NNT: variants seen among roughly 807,000 people sequenced by gnomAD.
The protein encoded by NNT is NAD(P) transhydrogenase, mitochondrial.
NNT carries 50 observed loss-of-function variants against 104.8 expected under a neutral mutation model. The observed-to-expected ratio is 0.48, with a 90% CI of 0.38 to 0.60. NNT has a LOEUF of 0.60. NNT is among the 20% of genes least tolerant of loss of function. The pLI is 0.00. For synonymous variants in NNT, 461 were observed against 490.4 expected, an observed-to-expected ratio of 0.94 and a Z score of 0.79; for missense variants, 1,131 against 1,330.7, an observed-to-expected ratio of 0.85 and a Z score of 2.33.
chr5:43,651,067 CTTTTA>C (rs1739731655), intron 12 of NNT, among the ~76,000 whole-genome samples: 1 of 151,948 alleles, frequency 6.6e-6, no homozygotes, highest in Non-Finnish European at 1.5e-5. Flanking sequence ...GTATTTTTTT[CTTTTA>C]TAATTTATTA....
At chr5:43,672,575 C>T (rs1469449933) in intron 17 of NNT, among the ~76,000 whole-genome samples, 2 of 152,198 alleles carry the variant, frequency 1.3e-5, no homozygotes, top group Non-Finnish European at 2.9e-5. Flanking sequence ...GCCTGGGTAT[C>T]AGCAGTGGAG....
At position 43,644,200 on chromosome 5, in the gene NNT, G is replaced by C. The variant is rs768602103; in HGVS notation, c.973G>C (p.Ala325Pro). 5.0e-6 allele frequency: 8 copies of C among 1,600,848 alleles called. No individual in the cohort carries two copies. The highest frequency in any genetic ancestry group is 1.8e-5 in the Admixed American group (1 of 55,528). ...ISTALIPGKK[A>P]PVLFNKEMIE... ...TTCTTTGATTTTATTAGGTAAAAAA[G>C]CTCCAGTTTTATTTAATAAAGAAAT... Residue 325 changes from alanine to proline, a missense_variant, in exon 8 of 22, where the codon GCT becomes CCT. By Grantham distance (27) the Ala-to-Pro change is conservative. Coordinates refer to ENST00000344920, the MANE Select transcript of NNT (RefSeq NM_182977.3).
chr5:43,669,017 T>A (rs1740881850), intron 17 of NNT, among the ~76,000 whole-genome samples: 2 of 152,214 alleles, frequency 1.3e-5, no homozygotes, highest in African/African-American at 4.8e-5. Flanking sequence ...GGTGGATTCC[T>A]AGGTATTTTA....
chr5:43,608,375 C>T (rs1291781207), intron 1 of NNT, among the ~76,000 whole-genome samples: 1 of 152,190 alleles, frequency 6.6e-6, no homozygotes. Flanking sequence ...CAGCAAAACC[C>T]AGTGACACTT....
At chr5:43,670,709 G>A (rs1170625996) in intron 17 of NNT, among the ~76,000 whole-genome samples, 1 of 152,190 alleles carries the variant, frequency 6.6e-6, no homozygotes, top group Non-Finnish European at 1.5e-5. Context: ...CACGTATGTG[G>A]TCAATTTTGG....
chr5:43,625,332 G>A (rs1480768681), intron 6 of NNT, among the ~76,000 whole-genome samples: 1 of 152,018 alleles, frequency 6.6e-6, no homozygotes, highest in Non-Finnish European at 1.5e-5. Flanking sequence ...GCTAGAATAT[G>A]GCTGTTGCTT....
intron 16 of NNT, among the ~76,000 whole-genome samples, chr5:43,658,703 T>C (rs770898745): frequency 6.6e-6 from 1 of 152,232 alleles, no homozygotes; most frequent in Non-Finnish European, 1.5e-5. Context: ...TCTAGCCTGC[T>C]TCTTTGTGGG....
chr5:43,677,748 G>C lies in NNT; in HGVS notation c.2818G>C (p.Ala940Pro), dbSNP rs1741494680. ...TPGYGLCAAK[A>P]QYPIADLVKM... ...AGGCTATGGTCTCTGTGCAGCCAAA[G>C]CTCAATACCCCATTGCTGATTTGGT... Residue 940 changes from alanine to proline, a missense_variant, in exon 19 of 22, where the codon GCT (alanine) becomes CCT (proline). Coordinates refer to ENST00000344920, the MANE Select transcript of NNT (RefSeq NM_182977.3). 6.2e-7 allele frequency: 1 copy of C among 1,613,570 alleles called. No individual in the cohort carries two copies. The highest frequency in any genetic ancestry group is 1.3e-5 in the African/African-American group (1 of 74,892).
chr5:43,693,541 C>T (rs72760482), intron 19 of NNT, among the ~76,000 whole-genome samples: 105 of 152,226 alleles, frequency 6.9e-4, no homozygotes, highest in Non-Finnish European at 1.2e-3. Context: ...TGTAGTAGTA[C>T]TGAATATAGC....
At chr5:43,611,486 A>G (rs1749497894) in intron 2 of NNT, among the ~76,000 whole-genome samples, 1 of 152,134 alleles carries the variant, frequency 6.6e-6, no homozygotes, top group Non-Finnish European at 1.5e-5. Context: ...TGAACTTGAG[A>G]TGAGTGTATG....
At chr5:43,643,595 C>T (rs537100455) in intron 7 of NNT, among the ~76,000 whole-genome samples, 1 of 152,186 alleles carries the variant, frequency 6.6e-6, no homozygotes, top group Non-Finnish European at 1.5e-5. Flanking sequence ...TATGAGGGAA[C>T]TCCTAAACCT....
chr5:43,671,632 A>T (rs1002808563), intron 17 of NNT, among the ~76,000 whole-genome samples: 2 of 152,194 alleles, frequency 1.3e-5, no homozygotes, highest in Non-Finnish European at 2.9e-5. Context: ...TCTGGCTTGT[A>T]GAGTTTCTGC....
chr5:43,645,466 C>T lies in NNT; in HGVS notation c.1400C>T (p.Thr467Ile), dbSNP rs1348763582. The change falls in exon 10 of 22, where the codon ACA becomes ATA. Residue 467 changes from threonine (T) to isoleucine (I), a missense_variant. Transcript: ENST00000344920. ...ELEAEKAATI[T>I]PFRKTMSTAS... is the part of the protein sequence containing the mutation. ...GAAGCTGAAAAAGCAGCTACCATTA[C>T]ACCCTTCAGGAAGACAATGTCAACG... is the stretch of plus-strand genomic sequence containing the variant. 6.4e-7 allele frequency: 1 copy of T among 1,573,924 alleles called. No homozygotes were observed. The highest frequency in any genetic ancestry group is 1.4e-5 in the African/African-American group (1 of 73,278).
At chr5:43,676,352 T>A (rs1034568455) in intron 18 of NNT, among the ~76,000 whole-genome samples, 1 of 152,200 alleles carries the variant, frequency 6.6e-6, no homozygotes, top group Non-Finnish European at 1.5e-5. Context: ...ATCAAATGAG[T>A]TTTCTGTAAA....
chr5:43,661,656 C>T (rs530914119), intron 17 of NNT, among the ~76,000 whole-genome samples: 6,854 of 139,962 alleles, frequency 0.049, 239 homozygotes, highest in African/African-American at 0.1. Context: ...TGAGAACATT[C>T]GGTGTTTGGT....
intron 7 of NNT, among the ~76,000 whole-genome samples, chr5:43,634,698 A>G (rs1199006343): frequency 5.3e-5 from 8 of 152,202 alleles, no homozygotes; most frequent in Non-Finnish European, 1.2e-4. Flanking sequence ...TTGCAACATC[A>G]AGGGTTGGTA....
intron 10 of NNT, among the ~76,000 whole-genome samples, chr5:43,646,635 C>T (rs1048602059): frequency 6.6e-6 from 1 of 151,882 alleles, no homozygotes; most frequent in Non-Finnish European, 1.5e-5. Context: ...GTGTTAAATG[C>T]GTATAAATAT....
At chr5:43,650,830 G>A (rs1405533016) in intron 12 of NNT, among the ~76,000 whole-genome samples, 1 of 152,184 alleles carries the variant, frequency 6.6e-6, no homozygotes, top group African/African-American at 2.4e-5. Context: ...AAGTTAACTG[G>A]AAAGTTATTG....
At chr5:43,665,737 T>C (rs1006543542) in intron 17 of NNT, among the ~76,000 whole-genome samples, 1 of 138,598 alleles carries the variant, frequency 7.2e-6, no homozygotes, top group Non-Finnish European at 1.7e-5. Flanking sequence ...CTCAAGGAGC[T>C]GTTGGGTACA....
Sources: gnomAD v4.1 joint callset for allele counts (sites outside exome capture counted in the v4.1 genomes callset) on GRCh38, gnomAD v4.1.1 for gene constraint, MANE v1.5 for transcripts, NCBI Gene and HGNC (gene_info 2026-07-23, HGNC 2026-07-21) for gene names.